The following TRAM2 variants were observed in gnomAD, a reference collection of about 807,000 sequenced individuals.
TRAM2 encodes translocating chain-associated membrane protein 2.
TRAM2 carries 12 observed loss-of-function variants against 51.0 expected under a neutral mutation model. The ratio of observed to expected loss-of-function variants is 0.24; its 90% CI spans 0.15 to 0.38. The LOEUF (loss-of-function observed/expected upper bound fraction) is 0.38. TRAM2 is among the 10% of genes least tolerant of loss of function. The probability of loss-of-function intolerance (pLI) is 1.00; values close to 1 mark genes in which losing one functional copy is unlikely to be tolerated. For missense variants in TRAM2, 361 were observed against 462.0 expected (o/e 0.78, Z 2.00); for synonymous variants, 175 against 179.4 (o/e 0.98, Z 0.20).
intron 8 of TRAM2, 92 bp from the exon 9 acceptor site, chr6:52,505,834 G>A: frequency 6.6e-7 from 1 of 1,506,440 alleles, no homozygotes; most frequent in Non-Finnish European, 8.9e-7. Flanking sequence ...AGTGGGAAGA[G>A]GATTCAAGGG....
chr6:52,573,792 G>C (rs1767719586), intron 1 of TRAM2, among the ~76,000 whole-genome samples: 1 of 152,166 alleles, frequency 6.6e-6, no homozygotes, highest in African/African-American at 2.4e-5. Context: ...CCAGTGAGTG[G>C]GGGAAAGAGC....
At chr6:52,534,171 C>T (rs1387822897) in intron 2 of TRAM2, among the ~76,000 whole-genome samples, 1 of 150,876 alleles carries the variant, frequency 6.6e-6, no homozygotes, top group Non-Finnish European at 1.5e-5. Flanking sequence ...CACCTGAGGT[C>T]GGAAGTTCGA....
At chr6:52,515,814 T>C in intron 4 of TRAM2, 192 bp downstream of exon 4, 2 of 578,284 alleles carry the variant, frequency 3.5e-6, no homozygotes, top group Non-Finnish European at 3.1e-6. Context: ...ATGGCATCTC[T>C]CTGTAATACC....
At chr6:52,513,145 G>A (rs1422922756) in intron 4 of TRAM2, among the ~76,000 whole-genome samples, 1 of 152,190 alleles carries the variant, frequency 6.6e-6, no homozygotes, top group Non-Finnish European at 1.5e-5. Flanking sequence ...CACTCCCACT[G>A]CTCTGCCTCT....
chr6:52,574,263 C>T (rs1224022607), intron 1 of TRAM2, among the ~76,000 whole-genome samples: 2 of 152,178 alleles, frequency 1.3e-5, no homozygotes, highest in African/African-American at 4.8e-5. Context: ...AAGATGCCCA[C>T]ATTTGTTTCT....
In TRAM2 at chr6:52,537,424, T is replaced by A. The variant is rs375276966; in HGVS notation, c.121-1578A>T. 3.0e-4 allele frequency among the ~76,000 whole-genome samples: 45 copies of A among 152,254 alleles called. No homozygotes were observed. In the South Asian group the frequency reaches 9.1e-3, roughly 31 times the overall value. On this transcript the variant is annotated intron_variant, in intron 1 of 10. Transcript: ENST00000182527. The stretch of plus-strand genomic sequence containing the variant: ...CAGCCAATATATTCTACTCACCACT[T>A]CCTTTGGGGAGTTTTAGCCACTCTC...
At chr6:52,543,688 G>A (rs775184805) in intron 1 of TRAM2, among the ~76,000 whole-genome samples, 8 of 152,282 alleles carry the variant, frequency 5.3e-5, no homozygotes, top group Non-Finnish European at 1.0e-4. Context: ...TTTTAAAGAT[G>A]TTTTCGCTCC....
intron 2 of TRAM2, among the ~76,000 whole-genome samples, chr6:52,528,234 TCA>T (rs1233626831): frequency 2.6e-5 from 4 of 152,072 alleles, no homozygotes; most frequent in Non-Finnish European, 4.4e-5. Context: ...TCTCTGAGCC[TCA>T]GTTTCCTTGG....
chr6:52,521,626 G>T (rs1191468452), intron 2 of TRAM2, among the ~76,000 whole-genome samples: 3 of 152,000 alleles, frequency 2.0e-5, no homozygotes, highest in South Asian at 2.1e-4. Context: ...GAACCCGGGA[G>T]GGGAAGCTTG....
chr6:52,532,171 A>G (rs779723584), intron 2 of TRAM2, among the ~76,000 whole-genome samples: 8 of 152,332 alleles, frequency 5.3e-5, no homozygotes, highest in South Asian at 2.1e-4. Flanking sequence ...GAAGGTTTCA[A>G]ACTCAAAAAT....
At chr6:52,540,921 AAGAG>A (rs925438306) in intron 1 of TRAM2, among the ~76,000 whole-genome samples, 5 of 152,234 alleles carry the variant, frequency 3.3e-5, no homozygotes, top group African/African-American at 9.6e-5. Context: ...CACAGAGAGA[AAGAG>A]AGAGTGAGAA....
chr6:52,549,146 T>A (rs1381392502), intron 1 of TRAM2, among the ~76,000 whole-genome samples: 1 of 152,140 alleles, frequency 6.6e-6, no homozygotes, highest in Non-Finnish European at 1.5e-5. Context: ...CAACTTCAGA[T>A]CTCAGCTGTG....
intron 4 of TRAM2, among the ~76,000 whole-genome samples, chr6:52,515,214 AT>A (rs2114069148): frequency 6.6e-6 from 1 of 152,280 alleles, no homozygotes; most frequent in Non-Finnish European, 1.5e-5. Flanking sequence ...CCAGGCATGG[AT>A]TTCTCAGGGG....
At chr6:52,523,214 T>C (rs184777052) in intron 2 of TRAM2, 4 of 311,288 alleles carry the variant, frequency 1.3e-5, no homozygotes, top group East Asian at 1.1e-4. Context: ...TTTTACACTA[T>C]ATATAAATCC....
At chr6:52,538,717 C>T (rs1323575279) in intron 1 of TRAM2, among the ~76,000 whole-genome samples, 2 of 152,186 alleles carry the variant, frequency 1.3e-5, no homozygotes, top group Non-Finnish European at 2.9e-5. Flanking sequence ...CATTCCAATG[C>T]GCTGCCAAGT....
intron 1 of TRAM2, among the ~76,000 whole-genome samples, chr6:52,562,410 A>G (rs1258981843): frequency 6.6e-6 from 1 of 152,200 alleles, no homozygotes; most frequent in Non-Finnish European, 1.5e-5. Flanking sequence ...AACTTGTATG[A>G]GGTGCCAGAG....
intron 1 of TRAM2, among the ~76,000 whole-genome samples, chr6:52,576,496 G>A (rs1767767942): frequency 6.6e-6 from 1 of 152,218 alleles, no homozygotes; most frequent in South Asian, 2.1e-4. Flanking sequence ...GTGGCAGCGC[G>A]GCGGTTGGTT....
chr6:52,549,743 T>C (rs2114096167), intron 1 of TRAM2, among the ~76,000 whole-genome samples: 1 of 152,308 alleles, frequency 6.6e-6, no homozygotes, highest in African/African-American at 2.4e-5. Context: ...GGTGCTTGAG[T>C]ATTATCTGAA....
chr6:52,555,509 G>C (rs1404172424), intron 1 of TRAM2, among the ~76,000 whole-genome samples: 1 of 152,110 alleles, frequency 6.6e-6, no homozygotes, highest in Non-Finnish European at 1.5e-5. Flanking sequence ...GTGCTATTTT[G>C]ATGATCATCC....
Sources: allele counts gnomAD v4.1 joint callset (sites outside exome capture counted in the v4.1 genomes callset), GRCh38; gene constraint gnomAD v4.1.1; transcripts MANE v1.5; gene names NCBI Gene and HGNC (gene_info 2026-07-23, HGNC 2026-07-21).